Variants in CCDC187 observed in about 807,000 individuals in gnomAD.
CCDC187 encodes the protein coiled-coil domain containing 187, also known as coiled-coil domain-containing protein 187.
In CCDC187, 32 loss-of-function variants were observed where a neutral mutation model predicts 38.0. The observed-to-expected ratio is 0.84, with a 90% CI of 0.64 to 1.13. The LOEUF (loss-of-function observed/expected upper bound fraction) is 1.13, where lower values mean the gene tolerates loss of function less well. Among genes scored for constraint, CCDC187 ranks in the 50% most tolerant of loss-of-function variants. The probability of loss-of-function intolerance (pLI) is 0.00; values close to 1 mark genes in which losing one functional copy is unlikely to be tolerated. For synonymous variants in CCDC187, 333 were observed against 347.9 expected (o/e 0.96, Z 0.48); for missense variants, 707 against 786.8 (o/e 0.90, Z 1.21).
intron 2 of CCDC187, among the ~76,000 whole-genome samples, chr9:136,301,310 TAAA>T (rs1326019084): frequency 1.3e-5 from 2 of 149,360 alleles, no homozygotes; most frequent in Admixed American, 6.9e-5. Flanking sequence ...TGCACTGCCT[TAAA>T]AAAACAAAGT....
At chr9:136,273,527 C>T (rs1290740302) in intron 14 of CCDC187, among the ~76,000 whole-genome samples, 4 of 152,124 alleles carry the variant, frequency 2.6e-5, no homozygotes, top group African/African-American at 9.7e-5. Flanking sequence ...CGAAGCGAAA[C>T]CTGGTAGAAC....
chr9:136,306,306 C>T (rs913772280), upstream of CCDC187, among the ~76,000 whole-genome samples: 3,758 of 152,308 alleles, frequency 0.025, 175 homozygotes, highest in African/African-American at 0.085. Context: ...CTCTCCGCAG[C>T]CACACTGCTC....
chr9:136,305,857 G>A (rs1449825710), upstream of CCDC187, among the ~76,000 whole-genome samples: 5 of 152,336 alleles, frequency 3.3e-5, no homozygotes, highest in South Asian at 4.1e-4. Flanking sequence ...CACCTGCCCT[G>A]GGGGACAGCG....
rs1160468896 is a variant in CCDC187, at chr9:136,258,628, T to C, written c.4366+304A>G. 3.4e-6 allele frequency: 3 copies of C among 882,834 alleles called. No homozygotes were observed. The highest frequency in any genetic ancestry group is 4.1e-6 in the Non-Finnish European group (3 of 736,238). The allele number at this position is 882,834 out of a possible 1,614,324, so 54.7% of individuals were successfully genotyped here. On this transcript the variant is annotated intron_variant, in intron 22 of 25. Coordinates refer to ENST00000638797, the MANE Select transcript of CCDC187 (RefSeq NM_001378188.1). The surrounding 1 kb of genome is among the most constrained non-coding windows in gnomAD (Gnocchi z 4.3). ...CCGTCAGCTGAAGACGCTCAGGCAG[T>C]GCTGGCTTCCAAACACTTAAAAATC...
chr9:136,252,829 A>C lies in CCDC187; in HGVS notation c.*765T>G, dbSNP rs1361024926. 1 of 152,336 alleles carries C rather than the reference A, an allele frequency of 6.6e-6. No homozygotes were observed. Among genetic ancestry groups the C allele is most frequent in the Non-Finnish European group, 1.5e-5 (1 of 68,156 alleles). 9.4% of individuals were successfully genotyped at this position (152,336 alleles called of 1,614,324 possible). Reference sequence around the variant, plus strand: ...CTCTCTCCACACCTGGGAGATGGGTACAGCGGCCTGAGTCTGTCTCCAGGA... The same window carrying C: ...CTCTCTCCACACCTGGGAGATGGGTCCAGCGGCCTGAGTCTGTCTCCAGGA... On this transcript the variant is annotated 3_prime_UTR_variant, in exon 26 of 26. Coordinates refer to ENST00000638797, the MANE Select transcript of CCDC187 (RefSeq NM_001378188.1).
chr9:136,299,975 C>T (rs2131358866), intron 3 of CCDC187, among the ~76,000 whole-genome samples: 1 of 152,370 alleles, frequency 6.6e-6, no homozygotes, highest in Admixed American at 6.5e-5. Flanking sequence ...AAAAAATGCC[C>T]CTGCTCAGCT....
rs938206183 is a variant in CCDC187, at chr9:136,263,718, G to A, written c.3816C>T (p.Val1272=). 2 of 985,368 alleles carry A rather than the reference G, an allele frequency of 2.0e-6. No homozygotes were observed. Among genetic ancestry groups the A allele is most frequent in the South Asian group, 4.7e-5 (1 of 21,298 alleles). 61.0% of individuals were successfully genotyped at this position (985,368 alleles called of 1,614,324 possible). Residue 1272 remains valine (V), a synonymous_variant, in exon 18 of 26, where the codon GTC becomes GTT. Transcript: ENST00000638797. Reference sequence around the variant, plus strand: ...TGTCCACAGGCCCCGGCATGGAGACGACGTCCCTCTGATGCTGCAGAAGCA... The same window carrying A: ...TGTCCACAGGCCCCGGCATGGAGACAACGTCCCTCTGATGCTGCAGAAGCA... ...RKLLLQHQRD[V]VSMPGPVDIL...
Position 136,253,981 on chromosome 9 carries a change from G to T in CCDC187, c.5847C>A (p.Gly1949=). ...VTLQAPPGDP[G]RLAPPVAESR... is the part of the protein sequence containing the mutation. The stretch of plus-strand genomic sequence containing the variant: ...TCTCAGCTACTGGAGGTGCCAGCCT[G>T]CCTGGGTCCCCAGGAGGAGCCTGCA... Residue 1949 remains glycine, a synonymous_variant, in exon 26 of 26, where the codon GGC becomes GGA. Coordinates refer to ENST00000638797, the MANE Select transcript of CCDC187 (RefSeq NM_001378188.1). The T allele has an allele frequency of 3.0e-6, 3 of 985,500 alleles. No individual in the cohort carries two copies. Among genetic ancestry groups the T allele is most frequent in the South Asian group, 9.4e-5 (2 of 21,288 alleles). The allele number at this position is 985,500 out of a possible 1,614,324, so 61.0% of individuals were successfully genotyped here. A position where few individuals can be genotyped will look rare whatever the true frequency, so the allele number is the denominator to read the frequency against.
chr9:136,266,038 AG>A lies in CCDC187; in HGVS notation c.3652del (p.Leu1218TrpfsTer34). 6 of 985,514 alleles carry A rather than the reference AG, an allele frequency of 6.1e-6. No homozygotes were observed. Among genetic ancestry groups the A allele is most frequent in the Non-Finnish European group, 7.2e-6 (6 of 829,970 alleles). 61.0% of individuals were successfully genotyped at this position (985,514 alleles called of 1,614,324 possible). A position where few individuals can be genotyped will look rare whatever the true frequency, so the allele number is the denominator to read the frequency against. ...CACAGCTCTGTCCCTCTTGCTGTCCAGGCACCTGGGGGGAGGTGGCAACATC... is the reference window on the plus strand; with the variant it reads ...CACAGCTCTGTCCCTCTTGCTGTCCAGCACCTGGGGGGAGGTGGCAACATC... ...LAWLEHRRGC[L>X]DSKRDRAVLA... is the part of the protein sequence containing the mutation. On this transcript the variant is annotated frameshift_variant, in exon 17 of 26. Coordinates refer to ENST00000638797, the MANE Select transcript of CCDC187 (RefSeq NM_001378188.1). LOFTEE classifies it high-confidence loss of function.
rs559146239 is a variant in CCDC187 at position 136,263,666 on chromosome 9, C to T, written c.3868G>A (p.Val1290Ile). The T allele has an allele frequency of 4.3e-5, 42 of 985,472 alleles. No homozygotes were observed. Among genetic ancestry groups the T allele is most frequent in the African/African-American group, 3.8e-4 (22 of 57,362 alleles). The allele number at this position is 985,472 out of a possible 1,614,324, so 61.0% of individuals were successfully genotyped here. A position where few individuals can be genotyped will look rare whatever the true frequency, so the allele number is the denominator to read the frequency against. ...GCCTGCAGCTCGTGCGCTGGGACGA[C>T]GTCCGTGGGCCCCGGGATGGGGAGG... ...DILPIPGPTD[V>I]VPAHELQAQA... is the part of the protein sequence containing the mutation. The change falls in exon 18 of 26, where the codon GTC becomes ATC. Residue 1290 changes from valine to isoleucine, a missense_variant. Physicochemically the swap from Val to Ile is conservative, Grantham distance 29. Coordinates refer to ENST00000638797, the MANE Select transcript of CCDC187 (RefSeq NM_001378188.1).
At position 136,274,099 on chromosome 9, in the gene CCDC187, G is replaced by A. The variant is rs1400713975; in HGVS notation, c.3442+559C>T. Reference sequence around the variant, plus strand: ...AAGGAGTGGAGGTGGGCGTATCAACGGGCCTGGAACCAGGGAGGGGTTCCT... The same window carrying A: ...AAGGAGTGGAGGTGGGCGTATCAACAGGCCTGGAACCAGGGAGGGGTTCCT... On this transcript the variant is annotated intron_variant, in intron 14 of 25. Transcript: ENST00000638797. Among the ~76,000 whole-genome samples, 7 of 152,328 alleles carry A rather than the reference G, an allele frequency of 4.6e-5. No homozygotes were observed. In the East Asian group the frequency reaches 5.8e-4, roughly 13 times the overall value.
chr9:136,293,558 C>T (rs1416359221), intron 4 of CCDC187, among the ~76,000 whole-genome samples: 1 of 151,910 alleles, frequency 6.6e-6, no homozygotes, highest in Non-Finnish European at 1.5e-5. Flanking sequence ...CATGCTCACA[C>T]ACTGTCACAC....
Position 136,256,272 on chromosome 9 carries a change from A to G in CCDC187, c.4555T>C (p.Phe1519Leu), listed in dbSNP as rs1830611563. The G allele has an allele frequency of 1.0e-6, 1 of 985,468 alleles. No homozygotes were observed. The highest frequency in any genetic ancestry group is 1.7e-5 in the African/African-American group (1 of 57,304). The allele number at this position is 985,468 out of a possible 1,614,324, so 61.0% of individuals were successfully genotyped here. A position where few individuals can be genotyped will look rare whatever the true frequency, so the allele number is the denominator to read the frequency against. Residue 1519 changes from phenylalanine (F) to leucine (L), a missense_variant, in exon 24 of 26, where the codon TTT (phenylalanine) becomes CTT (leucine). By Grantham distance (22) the Phe-to-Leu change is conservative (BLOSUM62 0). Coordinates refer to ENST00000638797, the MANE Select transcript of CCDC187 (RefSeq NM_001378188.1). ...GACTCCTCCACGGGGCTCTCAGCAAAATCCAGCCCCGATTCCAAGCCCTCT... is the reference window on the plus strand; with the variant it reads ...GACTCCTCCACGGGGCTCTCAGCAAGATCCAGCCCCGATTCCAAGCCCTCT... Reference protein sequence around the residue: ...SEEGLESGLDFAESPVEESQE... With the variant: ...SEEGLESGLDLAESPVEESQE...
In CCDC187 at chr9:136,256,327, G is replaced by C; in HGVS notation, c.4504-4C>G. 1.0e-6 allele frequency: 1 copy of C among 984,652 alleles called. No homozygotes were observed. The highest frequency in any genetic ancestry group is 1.2e-6 in the Non-Finnish European group (1 of 829,202). The allele number at this position is 984,652 out of a possible 1,614,324, so 61.0% of individuals were successfully genotyped here. On this transcript the variant is annotated splice_polypyrimidine_tract_variant and splice_region_variant and intron_variant, in intron 23 of 25. Transcript: ENST00000638797. ...TCATGCTGTCCTCAGCCACCTGCTG[G>C]AGAGACGTTGCAGAAATGACACTGT...
rs1830634788 is a variant in CCDC187, at chr9:136,258,018, GC to G, written c.4366+913del. 6.6e-6 allele frequency among the ~76,000 whole-genome samples: 1 copy of G among 152,184 alleles called. No individual in the cohort carries two copies. The highest frequency in any genetic ancestry group is 2.1e-4 in the South Asian group (1 of 4,820). ...CATGGTGGGTGCAGGCGCCTGGCTG[GC>G]CCCCCGAACGGTGACAGCTGGTACA... On this transcript the variant is annotated intron_variant, in intron 22 of 25. Coordinates refer to ENST00000638797, the MANE Select transcript of CCDC187 (RefSeq NM_001378188.1). The surrounding 1 kb of genome is among the most constrained non-coding windows in gnomAD (Gnocchi z 4.3).
At chr9:136,303,366 C>T in intron 1 of CCDC187, 73 bp from the exon 2 acceptor site, 1 of 391,436 alleles carries the variant, frequency 2.6e-6, no homozygotes, top group Non-Finnish European at 4.5e-6. Flanking sequence ...CTCAGACTGG[C>T]CCCACCTCCC....
rs1008384623 is a variant in CCDC187 at position 136,292,500 on chromosome 9, G to A, written c.833-205C>T. On this transcript the variant is annotated intron_variant, in intron 4 of 25. Transcript: ENST00000638797. ...ACAGGGCAAGGCTGAGTCTCAGGGC[G>A]GCCATGGGCAGGTGGCTTCCCTGAC... is the stretch of plus-strand genomic sequence containing the variant. Among the ~76,000 whole-genome samples the A allele has an allele frequency of 7.2e-5, 11 of 152,312 alleles. No homozygotes were observed. The East Asian group carries it at 1.9e-3, about 27-fold the overall frequency.
intron 2 of CCDC187, 31 bp from the exon 3 acceptor site, chr9:136,300,349 T>G (rs1403676410): frequency 2.5e-6 from 1 of 398,420 alleles, no homozygotes; most frequent in East Asian, 3.6e-5. Flanking sequence ...GAAGGCAGCG[T>G]GAGAAGAGAG....
intron 4 of CCDC187, among the ~76,000 whole-genome samples, chr9:136,294,893 T>C (rs1831497211): frequency 1.3e-5 from 2 of 152,326 alleles, no homozygotes; most frequent in African/African-American, 2.4e-5. Flanking sequence ...TAGGGCGTGG[T>C]CTCAGGATTC....
Sources: allele counts gnomAD v4.1 joint callset (sites outside exome capture counted in the v4.1 genomes callset), GRCh38; gene constraint gnomAD v4.1.1; non-coding constraint Gnocchi (gnomAD v3.1); transcripts MANE v1.5; gene names NCBI Gene and HGNC (gene_info 2026-07-23, HGNC 2026-07-21).